LOXHD1: variants seen among roughly 807,000 people sequenced by gnomAD.
The protein encoded by LOXHD1 is lipoxygenase homology domain-containing protein 1.
Under a neutral mutation model 248.2 loss-of-function variants are expected in LOXHD1, and 205 were observed. The ratio of observed to expected loss-of-function variants is 0.83; its 90% confidence interval spans 0.74 to 0.93. The LOEUF (loss-of-function observed/expected upper bound fraction) is 0.93. LOXHD1 is among the 40% of genes least tolerant of loss of function. The probability of loss-of-function intolerance (pLI) is 0.00; values close to 1 mark genes in which losing one functional copy is unlikely to be tolerated. For synonymous variants in LOXHD1, 1,113 were observed against 1,162.8 expected (o/e 0.96, Z 0.87); for missense variants, 2,930 against 2,971.6 (o/e 0.99, Z 0.33).
chr18:46,514,126 A>G (rs1281668920), intron 34 of LOXHD1, among the ~76,000 whole-genome samples: 2 of 152,194 alleles, frequency 1.3e-5, no homozygotes, highest in Non-Finnish European at 2.9e-5. Flanking sequence ...CTGTGGTTTG[A>G]GAGTAGAACA....
intron 34 of LOXHD1, among the ~76,000 whole-genome samples, chr18:46,516,149 C>G (rs1019139333): frequency 6.6e-6 from 1 of 152,166 alleles, no homozygotes; most frequent in Non-Finnish European, 1.5e-5. Flanking sequence ...GAACCAAGTT[C>G]AAATCCCAGT....
intron 32 of LOXHD1, 108 bp downstream of exon 32, chr18:46,521,993 G>A (rs2035597959): frequency 3.4e-6 from 3 of 884,356 alleles, no homozygotes; most frequent in Non-Finnish European, 5.1e-6. Flanking sequence ...AAGGGGTGCT[G>A]CAGGTAGGCT....
chr18:46,597,929 ATTT>A (rs10711303), intron 8 of LOXHD1, among the ~76,000 whole-genome samples: 103,787 of 140,112 alleles, frequency 0.74, 39,384 homozygotes, highest in Non-Finnish European at 0.84. Flanking sequence ...AATTTTTTGC[ATTT>A]TTTTTTTTTT....
At position 46,559,517 on chromosome 18, in the gene LOXHD1, C is replaced by T; in HGVS notation, c.3147G>A (p.Glu1049=). ...GTCGTTCGCCCGTGTCTCCATACTC[C>T]TCGCCGTAGATGGTTAGGTAGACGT... ...DANVYLTIYG[E]EYGDTGERPL... The change falls in exon 20 of 41, where the codon GAG becomes GAA. Residue 1049 remains glutamate (E), a synonymous_variant. Transcript: ENST00000642948. 1 of 1,552,094 alleles carries T rather than the reference C, an allele frequency of 6.4e-7. No homozygotes were observed. The highest frequency in any genetic ancestry group is 8.7e-7 in the Non-Finnish European group (1 of 1,147,090).
chr18:46,478,806 C>CCT (rs1486123335), intron 40 of LOXHD1, among the ~76,000 whole-genome samples: 1 of 152,206 alleles, frequency 6.6e-6, no homozygotes, highest in Non-Finnish European at 1.5e-5. Flanking sequence ...CATCCTCCTG[C>CCT]CTCAGCCTCC....
chr18:46,477,100 TGTTAATTA>T (rs2032065616), downstream of LOXHD1: 1 of 709,064 alleles, frequency 1.4e-6, no homozygotes, highest in African/African-American at 1.8e-5. Context: ...TGGGGAAAAG[TGTTAATTA>T]GTTTTTGCTT....
At chr18:46,514,924 C>A (rs1225678976) in intron 34 of LOXHD1, among the ~76,000 whole-genome samples, 2 of 152,230 alleles carry the variant, frequency 1.3e-5, no homozygotes, top group Non-Finnish European at 2.9e-5. Flanking sequence ...TCAAATCCCT[C>A]TGTTAGAGAC....
At chr18:46,520,171 T>C (rs1402371987) in intron 33 of LOXHD1, 3 of 458,790 alleles carry the variant, frequency 6.5e-6, no homozygotes, top group African/African-American at 6.0e-5. Context: ...TCTGAGTCTC[T>C]AGCAGGCGAG....
chr18:46,490,965 C>T (rs1300652752), intron 37 of LOXHD1, among the ~76,000 whole-genome samples: 4 of 152,300 alleles, frequency 2.6e-5, no homozygotes, highest in Admixed American at 2.6e-4. Context: ...ACTTAGCAGC[C>T]TCAATGCATT....
chr18:46,479,236 A>ATATGTGTGTG (rs1555651834), intron 40 of LOXHD1, among the ~76,000 whole-genome samples: 1 of 142,892 alleles, frequency 7.0e-6, no homozygotes, highest in African/African-American at 2.6e-5. Flanking sequence ...ATATATATGT[A>ATATGTGTGTG]TGTGTGTGTG....
At chr18:46,509,647 G>A in intron 35 of LOXHD1, 51 bp downstream of exon 35, 1 of 1,334,780 alleles carries the variant, frequency 7.5e-7, no homozygotes, top group Non-Finnish European at 1.1e-6. Context: ...AGGAACCAGG[G>A]GAAGGGGTGG....
intron 21 of LOXHD1, among the ~76,000 whole-genome samples, chr18:46,550,466 G>A (rs1048549910): frequency 1.1e-4 from 17 of 150,990 alleles, no homozygotes; most frequent in South Asian, 4.2e-4. Context: ...CCAGCTACTC[G>A]GGAGGCTGAG....
In LOXHD1 at chr18:46,533,842, C is replaced by T. The variant is rs571697057; in HGVS notation, c.4212+493G>A. 5.1e-5 allele frequency: 10 copies of T among 195,214 alleles called. No homozygotes were observed. The South Asian group carries it at 5.7e-4, about 11-fold the overall frequency. 12.1% of individuals were successfully genotyped at this position (195,214 alleles called of 1,614,324 possible). A position where few individuals can be genotyped will look rare whatever the true frequency, so the allele number is the denominator to read the frequency against. On this transcript the variant is annotated intron_variant, in intron 27 of 40. Transcript: ENST00000642948. ...TTGGGAGGCTGAGGCGGGAGAATTG[C>T]TTGAACCCAGAAGGCAGAGCACTGT...
At chr18:46,555,108 G>A (rs201966057) in intron 21 of LOXHD1, 8 of 470,780 alleles carry the variant, frequency 1.7e-5, no homozygotes, top group Admixed American at 1.6e-4. Flanking sequence ...CCAAATCAGT[G>A]GCAGAGAATT....
intron 4 of LOXHD1, among the ~76,000 whole-genome samples, chr18:46,624,854 T>G (rs2038718706): frequency 2.0e-5 from 3 of 152,148 alleles, no homozygotes; most frequent in Admixed American, 2.0e-4. Flanking sequence ...GTCTTACAAA[T>G]AGAACTGGAA....
At chr18:46,626,868 G>A (rs527912882) in intron 4 of LOXHD1, among the ~76,000 whole-genome samples, 1 of 152,270 alleles carries the variant, frequency 6.6e-6, no homozygotes, top group Non-Finnish European at 1.5e-5. Flanking sequence ...CTCCCTTGCA[G>A]CGTTGTGAAA....
At position 46,615,313 on chromosome 18, in the gene LOXHD1, C is replaced by T. The variant is rs1458311457; in HGVS notation, c.610+2879G>A. 3.3e-5 allele frequency among the ~76,000 whole-genome samples: 5 copies of T among 152,296 alleles called. No individual in the cohort carries two copies. The East Asian group carries it at 5.8e-4, about 18-fold the overall frequency. ...TTCTCTCCCAGGTCTGCAGTCTTGC[C>T]CTGCAAGATCCTCCTGGAATGACCC... On this transcript the variant is annotated intron_variant, in intron 5 of 40. Coordinates refer to ENST00000642948, the MANE Select transcript of LOXHD1 (RefSeq NM_001384474.1).
At chr18:46,579,311 G>C (rs994356591) in intron 13 of LOXHD1, among the ~76,000 whole-genome samples, 1 of 152,140 alleles carries the variant, frequency 6.6e-6, no homozygotes, top group Non-Finnish European at 1.5e-5. Flanking sequence ...GCTCAGGGGT[G>C]GGGGAGAACC....
chr18:46,646,848 T>G (rs1039794684), intron 2 of LOXHD1, among the ~76,000 whole-genome samples: 2 of 152,236 alleles, frequency 1.3e-5, no homozygotes, highest in Admixed American at 1.3e-4. Flanking sequence ...TGCCGAGCTC[T>G]GACTATATAC....
Sources: allele counts gnomAD v4.1 joint callset (sites outside exome capture counted in the v4.1 genomes callset), GRCh38; gene constraint gnomAD v4.1.1; transcripts MANE v1.5; gene names NCBI Gene and HGNC (gene_info 2026-07-23, HGNC 2026-07-21).